The following MAPKAP1 variants were observed in gnomAD, a reference collection of about 807,000 sequenced individuals.
The protein encoded by MAPKAP1 is target of rapamycin complex 2 subunit MAPKAP1.
Under a neutral mutation model 65.7 loss-of-function variants are expected in MAPKAP1, and 20 were observed. The ratio of observed to expected loss-of-function variants is 0.30; its 90% CI spans 0.21 to 0.44. The LOEUF is 0.44. Among genes scored for constraint, MAPKAP1 ranks in the 20% least tolerant of loss-of-function variants. The probability of loss-of-function intolerance (pLI) is 1.00; values close to 1 mark genes in which losing one functional copy is unlikely to be tolerated. For synonymous variants in MAPKAP1, 222 were observed against 244.3 expected, an observed-to-expected ratio of 0.91 and a Z score of 0.85; for missense variants, 423 against 648.0, an observed-to-expected ratio of 0.65 and a Z score of 3.77.
intron 5 of MAPKAP1, among the ~76,000 whole-genome samples, chr9:125,576,977 C>T (rs563874524): frequency 1.6e-4 from 25 of 152,166 alleles, no homozygotes; most frequent in African/African-American, 6.0e-4. Context: ...TGCCTGGCCG[C>T]CCATCGTCTG....
intron 1 of MAPKAP1, among the ~76,000 whole-genome samples, chr9:125,681,101 T>C (rs1418282380): frequency 1.3e-5 from 2 of 152,152 alleles, no homozygotes; most frequent in Admixed American, 6.6e-5. Flanking sequence ...AACTAAGGCT[T>C]AAAGGAGTTA....
chr9:125,454,922 A>C (rs1478416184), intron 10 of MAPKAP1, among the ~76,000 whole-genome samples: 1 of 152,274 alleles, frequency 6.6e-6, no homozygotes, highest in East Asian at 1.9e-4. Context: ...GCAGTGGCTC[A>C]TGCCTGTAAT....
chr9:125,629,790 AAAG>A (rs1182356372), intron 4 of MAPKAP1, among the ~76,000 whole-genome samples: 1 of 152,224 alleles, frequency 6.6e-6, no homozygotes, highest in African/African-American at 2.4e-5. Flanking sequence ...ATAAAAAAGA[AAAG>A]AAGACACGGA....
At chr9:125,579,713 CT>C (rs1831559498) in intron 5 of MAPKAP1, among the ~76,000 whole-genome samples, 1 of 152,198 alleles carries the variant, frequency 6.6e-6, no homozygotes, top group Non-Finnish European at 1.5e-5. Context: ...GGCCAACCCA[CT>C]GGAAAAGACC....
chr9:125,494,860 A>G (rs575781717), intron 8 of MAPKAP1, among the ~76,000 whole-genome samples: 1 of 152,266 alleles, frequency 6.6e-6, no homozygotes, highest in Non-Finnish European at 1.5e-5. Context: ...CCTTCACAGC[A>G]CTGATCACAA....
intron 4 of MAPKAP1, chr9:125,652,111 G>T: frequency 7.0e-6 from 9 of 1,277,804 alleles, no homozygotes; most frequent in African/African-American, 1.5e-5. Context: ...ATTTCAATTC[G>T]CTGACCTTTT....
intron 4 of MAPKAP1, among the ~76,000 whole-genome samples, chr9:125,590,209 G>A (rs1374164966): frequency 1.3e-5 from 2 of 152,208 alleles, no homozygotes; most frequent in African/African-American, 4.8e-5. Context: ...TAAACTGTAA[G>A]ATGCTTTAGA....
chr9:125,502,656 T>C (rs1297206233), intron 8 of MAPKAP1, among the ~76,000 whole-genome samples: 1 of 152,218 alleles, frequency 6.6e-6, no homozygotes, highest in Non-Finnish European at 1.5e-5. Flanking sequence ...ATGTATCACA[T>C]ATGATTTCAA....
At chr9:125,627,231 ATAACT>A (rs745531648) in intron 4 of MAPKAP1, among the ~76,000 whole-genome samples, 1 of 152,320 alleles carries the variant, frequency 6.6e-6, no homozygotes, top group East Asian at 1.9e-4. Context: ...ACGCCTTCTG[ATAACT>A]TAAAAAATTT....
intron 1 of MAPKAP1, among the ~76,000 whole-genome samples, chr9:125,689,436 GAAAAAAA>G (rs911746619): frequency 2.0e-4 from 3 of 15,270 alleles, no homozygotes; most frequent in South Asian, 2.2e-3. Flanking sequence ...CTCCATCTCG[GAAAAAAA>G]AAAAAAAAAA....
intron 4 of MAPKAP1, among the ~76,000 whole-genome samples, chr9:125,617,007 T>C (rs1832764618): frequency 6.6e-6 from 1 of 152,254 alleles, no homozygotes; most frequent in South Asian, 2.1e-4. Flanking sequence ...CATTTATCTA[T>C]ATGTGCACTT....
chr9:125,459,773 C>CT (rs1317559758), intron 10 of MAPKAP1, among the ~76,000 whole-genome samples: 2 of 141,526 alleles, frequency 1.4e-5, no homozygotes, highest in Non-Finnish European at 3.1e-5. Context: ...CAGTACAGTC[C>CT]AGCTTCGGCT....
chr9:125,654,224 G>A (rs1240471930), intron 4 of MAPKAP1, among the ~76,000 whole-genome samples: 1 of 152,166 alleles, frequency 6.6e-6, no homozygotes, highest in Non-Finnish European at 1.5e-5. Context: ...CACATCCAGT[G>A]AAATCAGAAG....
At chr9:125,640,920 T>C (rs963192658) in intron 4 of MAPKAP1, among the ~76,000 whole-genome samples, 2 of 152,242 alleles carry the variant, frequency 1.3e-5, no homozygotes. Context: ...TGTGGAAATA[T>C]TTCTTTTAAT....
chr9:125,639,406 C>A (rs1833514455), intron 4 of MAPKAP1, among the ~76,000 whole-genome samples: 2 of 152,190 alleles, frequency 1.3e-5, no homozygotes, highest in Non-Finnish European at 2.9e-5. Context: ...ATCATCTCTC[C>A]TCACAAGGCT....
intron 10 of MAPKAP1, among the ~76,000 whole-genome samples, chr9:125,445,474 T>C (rs964489550): frequency 6.6e-5 from 10 of 152,238 alleles, no homozygotes; most frequent in Non-Finnish European, 1.2e-4. Context: ...GCTGGCGCCT[T>C]CTTGGGTGAG....
intron 1 of MAPKAP1, among the ~76,000 whole-genome samples, chr9:125,697,333 CTA>C (rs1477918724): frequency 2.0e-5 from 3 of 152,128 alleles, no homozygotes; most frequent in African/African-American, 7.2e-5. Context: ...CAATTTTAAA[CTA>C]TGATTTATTT....
At chr9:125,457,391 T>G (rs1853224318) in intron 10 of MAPKAP1, among the ~76,000 whole-genome samples, 1 of 152,238 alleles carries the variant, frequency 6.6e-6, no homozygotes, top group Non-Finnish European at 1.5e-5. Flanking sequence ...GTTCTTCTTT[T>G]AAGTCCCTGA....
At chr9:125,516,097 A>G (rs1348985845) in intron 7 of MAPKAP1, among the ~76,000 whole-genome samples, 1 of 152,224 alleles carries the variant, frequency 6.6e-6, no homozygotes, top group Non-Finnish European at 1.5e-5. Flanking sequence ...TCAGACTTAC[A>G]TCTGACCCAG....
Sources: allele counts gnomAD v4.1 joint callset (sites outside exome capture counted in the v4.1 genomes callset), GRCh38; gene constraint gnomAD v4.1.1; transcripts MANE v1.5; gene names NCBI Gene and HGNC (gene_info 2026-07-23, HGNC 2026-07-21).